The following SPAST variants were observed in gnomAD, a reference collection of about 807,000 sequenced individuals.
SPAST encodes spastic paraplegia 4 (autosomal dominant; spastin).
A neutral mutation model predicts 76.6 loss-of-function variants in SPAST; 30 were observed. That is an observed-to-expected ratio of 0.39 (90% CI 0.29 to 0.53). SPAST has a LOEUF of 0.53. Ranked by LOEUF, SPAST falls within the 20% of genes least tolerant of loss-of-function variation. The pLI, the probability that SPAST is intolerant of heterozygous loss-of-function variation, is 0.68. For missense variants in SPAST, 717 were observed against 770.5 expected (o/e 0.93, Z 0.82); for synonymous variants, 305 against 281.0 (o/e 1.09, Z -0.86).
chr2:32,082,383 T>G (rs1364780976), intron 1 of SPAST, among the ~76,000 whole-genome samples: 1 of 152,062 alleles, frequency 6.6e-6, no homozygotes, highest in Non-Finnish European at 1.5e-5. Flanking sequence ...ACATTAAATG[T>G]TGGAATATCA....
chr2:32,137,084 T>C (rs1679562619), intron 11 of SPAST, 25 bp from the exon 12 acceptor site: 6 of 1,605,620 alleles, frequency 3.7e-6, no homozygotes, highest in Non-Finnish European at 5.1e-6. Context: ...TCTAAATGAA[T>C]TGAAAAAAGA....
rs982822638 is a variant in SPAST, at chr2:32,141,711, AAC to A, written c.1494-191_1494-190del. 1.2e-4 allele frequency among the ~76,000 whole-genome samples: 19 copies of A among 152,376 alleles called. No homozygotes were observed. The East Asian group carries it at 2.9e-3, about 23-fold the overall frequency. ...TATACATACATAAATGATTAATTCT[AAC>A]AATACCGAATTAAGGATTTTAAACA... On this transcript the variant is annotated intron_variant, in intron 12 of 16. Coordinates refer to ENST00000315285, the MANE Select transcript of SPAST (RefSeq NM_014946.4).
intron 8 of SPAST, chr2:32,127,278 T>C: frequency 2.2e-6 from 1 of 452,620 alleles, no homozygotes. Context: ...CCACCACACC[T>C]GTCTAGGTTT....
At chr2:32,064,863 A>G (rs1218475737) in intron 1 of SPAST, among the ~76,000 whole-genome samples, 7 of 152,188 alleles carry the variant, frequency 4.6e-5, no homozygotes, top group Non-Finnish European at 1.0e-4. Flanking sequence ...ATTTTAATTA[A>G]AACAGTATTC....
intron 7 of SPAST, among the ~76,000 whole-genome samples, chr2:32,121,628 C>T (rs1466930582): frequency 6.7e-6 from 1 of 149,940 alleles, no homozygotes; most frequent in Non-Finnish European, 1.5e-5. Context: ...GCGCCCTTCG[C>T]CTCCTGGGTT....
intron 1 of SPAST, among the ~76,000 whole-genome samples, chr2:32,070,794 T>C (rs1057047668): frequency 6.6e-6 from 1 of 152,216 alleles, no homozygotes; most frequent in Admixed American, 6.5e-5. Context: ...CATGCTTGGC[T>C]GATTTTTTAA....
chr2:32,139,570 G>A (rs1388151927), intron 12 of SPAST, among the ~76,000 whole-genome samples: 1 of 152,188 alleles, frequency 6.6e-6, no homozygotes. Context: ...GCTCATGCCT[G>A]TAATCCCAGC....
chr2:32,093,029 C>G (rs957686059), intron 3 of SPAST, among the ~76,000 whole-genome samples: 1 of 142,140 alleles, frequency 7.0e-6, no homozygotes, highest in Non-Finnish European at 1.5e-5. Flanking sequence ...ACGCCGGGCA[C>G]TGTGGCTCAC....
chr2:32,098,306 A>G (rs1276433405), intron 3 of SPAST, among the ~76,000 whole-genome samples: 1 of 152,008 alleles, frequency 6.6e-6, no homozygotes, highest in East Asian at 1.9e-4. Context: ...TCTCTACAAA[A>G]AATAAATTAG....
chr2:32,113,370 C>T (rs963920079), intron 4 of SPAST, among the ~76,000 whole-genome samples: 3 of 151,786 alleles, frequency 2.0e-5, no homozygotes, highest in Admixed American at 2.0e-4. Context: ...CAGGCGTGAG[C>T]TACTGCACCC....
chr2:32,074,110 A>G (rs1262589647), intron 1 of SPAST, among the ~76,000 whole-genome samples: 1 of 152,148 alleles, frequency 6.6e-6, no homozygotes, highest in Non-Finnish European at 1.5e-5. Context: ...GGGCTCGTTT[A>G]TTTGGTGATT....
intron 5 of SPAST, among the ~76,000 whole-genome samples, chr2:32,115,052 G>A (rs573990534): frequency 5.3e-4 from 80 of 150,014 alleles, no homozygotes; most frequent in African/African-American, 1.5e-3. Context: ...AGGTTCAAGC[G>A]ATTCTCCTGC....
chr2:32,116,838 C>T (rs970284266), intron 7 of SPAST, among the ~76,000 whole-genome samples: 37 of 152,204 alleles, frequency 2.4e-4, no homozygotes, highest in African/African-American at 8.7e-4. Flanking sequence ...TGTGGGGGCG[C>T]ACGCTTGTAG....
chr2:32,097,839 G>A (rs926399628), intron 3 of SPAST, among the ~76,000 whole-genome samples: 1 of 151,800 alleles, frequency 6.6e-6, no homozygotes, highest in Admixed American at 6.6e-5. Flanking sequence ...GACTACAGGC[G>A]CGTGCCACCA....
intron 7 of SPAST, among the ~76,000 whole-genome samples, chr2:32,121,374 C>T (rs1278487565): frequency 1.3e-5 from 2 of 152,042 alleles, no homozygotes; most frequent in African/African-American, 2.4e-5. Context: ...CTCCTGACCT[C>T]AGGTGATCCG....
intron 4 of SPAST, among the ~76,000 whole-genome samples, chr2:32,100,139 G>A (rs1041689593): frequency 6.6e-6 from 1 of 152,074 alleles, no homozygotes; most frequent in African/African-American, 2.4e-5. Flanking sequence ...TAGCGTATAA[G>A]AGTTCACTTT....
At chr2:32,089,218 T>TTTTTTTTTTTTA (rs375850129) in intron 2 of SPAST, among the ~76,000 whole-genome samples, 6 of 129,980 alleles carry the variant, frequency 4.6e-5, no homozygotes, top group East Asian at 5.1e-4. Context: ...TTTTTTTTTT[T>TTTTTTTTTTTTA]AAGTAGAGAC....
chr2:32,082,928 G>T lies in SPAST; in HGVS notation c.416-4564G>T, dbSNP rs994531767. 5.9e-5 allele frequency among the ~76,000 whole-genome samples: 9 copies of T among 151,990 alleles called. 1 individual carries two copies. The highest frequency in any genetic ancestry group is 1.2e-4 in the Non-Finnish European group (8 of 67,998). On this transcript the variant is annotated intron_variant, in intron 1 of 16. Coordinates refer to ENST00000315285, the MANE Select transcript of SPAST (RefSeq NM_014946.4). Reference sequence around the variant, plus strand: ...TTACTCCATTCACTAAATGATTTGGGTTGTTTCCTGTTTTTGTTATTGTTG... The same window carrying T: ...TTACTCCATTCACTAAATGATTTGGTTTGTTTCCTGTTTTTGTTATTGTTG...
chr2:32,086,128 TAATA>T (rs1179685732), intron 1 of SPAST, among the ~76,000 whole-genome samples: 1 of 151,860 alleles, frequency 6.6e-6, no homozygotes, highest in Non-Finnish European at 1.5e-5. Flanking sequence ...TTTCAAATAA[TAATA>T]AGGAATAGTA....
Sources: allele counts gnomAD v4.1 joint callset (sites outside exome capture counted in the v4.1 genomes callset), GRCh38; gene constraint gnomAD v4.1.1; transcripts MANE v1.5; gene names NCBI Gene and HGNC (gene_info 2026-07-23, HGNC 2026-07-21).